The following MYO5B variants were observed in gnomAD, a reference collection of about 807,000 sequenced individuals.
MYO5B encodes unconventional myosin-Vb.
In MYO5B, 143 loss-of-function variants were observed where a neutral mutation model predicts 229.3. That is an observed-to-expected ratio of 0.62 (90% confidence interval 0.54 to 0.72). The LOEUF (loss-of-function observed/expected upper bound fraction) is 0.72, where lower values mean the gene tolerates loss of function less well. Among genes scored for constraint, MYO5B ranks in the 30% least tolerant of loss-of-function variants. The pLI, the probability that MYO5B is intolerant of heterozygous loss-of-function variation, is 0.00. For missense variants in MYO5B, 2,321 were observed against 2,331.0 expected, an observed-to-expected ratio of 1.00 and a Z score of 0.09; for synonymous variants, 918 against 885.2, an observed-to-expected ratio of 1.04 and a Z score of -0.66.
intron 25 of MYO5B, among the ~76,000 whole-genome samples, chr18:49,877,123 A>G (rs201957296): frequency 0.24 from 35,949 of 151,240 alleles, 4,373 homozygotes; most frequent in East Asian, 0.41. Context: ...TTCTGTGTGT[A>G]CGTGCGCGCA....
chr18:50,140,162 G>C (rs1165119924), intron 1 of MYO5B, among the ~76,000 whole-genome samples: 3 of 152,190 alleles, frequency 2.0e-5, no homozygotes, highest in Non-Finnish European at 4.4e-5. Flanking sequence ...AACTGGAAAA[G>C]ATCCAGAAAT....
At chr18:50,161,577 C>G (rs1244838889) in intron 1 of MYO5B, among the ~76,000 whole-genome samples, 1 of 152,160 alleles carries the variant, frequency 6.6e-6, no homozygotes, top group Non-Finnish European at 1.5e-5. Context: ...CTCTCTTCCC[C>G]TGAAATATCA....
intron 17 of MYO5B, among the ~76,000 whole-genome samples, chr18:49,917,753 C>T (rs1389247790): frequency 1.3e-5 from 2 of 152,220 alleles, no homozygotes; most frequent in East Asian, 1.9e-4. Context: ...CCCTGCTCTC[C>T]CTGGATTCTG....
At chr18:50,031,346 T>C (rs1265739103) in intron 4 of MYO5B, among the ~76,000 whole-genome samples, 3 of 152,198 alleles carry the variant, frequency 2.0e-5, no homozygotes, top group Admixed American at 1.3e-4. Flanking sequence ...GAACTCCATC[T>C]GTACCCAGTT....
chr18:49,902,857 T>C (rs747958919), intron 20 of MYO5B, 24 bp from the exon 21 acceptor site: 3 of 1,597,418 alleles, frequency 1.9e-6, no homozygotes. Context: ...AGGATACACA[T>C]CTTGTGGGTT....
intron 1 of MYO5B, among the ~76,000 whole-genome samples, chr18:50,153,159 C>T (rs1229596818): frequency 6.6e-6 from 1 of 152,136 alleles, no homozygotes; most frequent in Non-Finnish European, 1.5e-5. Context: ...TAAATTCCAG[C>T]TTACCCAGTA....
At chr18:49,873,763 T>C (rs2024485013) in intron 26 of MYO5B, among the ~76,000 whole-genome samples, 1 of 152,148 alleles carries the variant, frequency 6.6e-6, no homozygotes, top group South Asian at 2.1e-4. Context: ...GGGAAGCCCA[T>C]AGGAATCACC....
At chr18:50,133,759 C>T (rs2032291188) in intron 1 of MYO5B, among the ~76,000 whole-genome samples, 1 of 152,126 alleles carries the variant, frequency 6.6e-6, no homozygotes, top group African/African-American at 2.4e-5. Flanking sequence ...GGCCCAGGCC[C>T]CTCCCACCTC....
chr18:50,043,365 T>TTAA (rs1491502846), intron 2 of MYO5B, among the ~76,000 whole-genome samples: 233 of 109,738 alleles, frequency 2.1e-3, no homozygotes, highest in Non-Finnish European at 3.6e-3. Context: ...ATAAATATAT[T>TTAA]ATATAATATA....
chr18:49,897,554 G>T (rs1332941963), intron 21 of MYO5B, among the ~76,000 whole-genome samples: 1 of 151,874 alleles, frequency 6.6e-6, no homozygotes, highest in Non-Finnish European at 1.5e-5. Flanking sequence ...ATGAAGAATG[G>T]GATACCCCAA....
intron 4 of MYO5B, among the ~76,000 whole-genome samples, chr18:50,010,732 G>GT (rs1281487263): frequency 6.6e-6 from 1 of 152,198 alleles, no homozygotes; most frequent in East Asian, 1.9e-4. Flanking sequence ...TTAGCTAGGG[G>GT]TGAACTATGA....
At chr18:50,174,087 T>C (rs551273723) in intron 1 of MYO5B, among the ~76,000 whole-genome samples, 2 of 152,166 alleles carry the variant, frequency 1.3e-5, no homozygotes, top group Admixed American at 1.3e-4. Context: ...GCAAATTCTC[T>C]CAAGTTGGGA....
chr18:49,976,206 T>C (rs947237647), intron 9 of MYO5B, among the ~76,000 whole-genome samples: 1 of 152,228 alleles, frequency 6.6e-6, no homozygotes, highest in East Asian at 1.9e-4. Context: ...GGACTCATTT[T>C]CTGATGAGGC....
At position 49,974,512 on chromosome 18, in the gene MYO5B, G is replaced by C; in HGVS notation, c.1160C>G (p.Thr387Ser). 1.2e-6 allele frequency: 2 copies of C among 1,614,168 alleles called. No individual in the cohort carries two copies. The highest frequency in any genetic ancestry group is 1.7e-6 in the Non-Finnish European group (2 of 1,180,032). ...CHRKLVTTSE[T>S]YVKTMSLQQV... ...CTGCAGGGACATGGTCTTGACGTAG[G>C]TCTCCGAGGTGGTGACCAGCTTGCG... is the stretch of plus-strand genomic sequence containing the variant. Residue 387 changes from threonine to serine, a missense_variant, in exon 10 of 40, where the codon ACC becomes AGC. This residue lies in a region of MYO5B where 2,113 missense variants were observed against 2,044.7 expected (regional missense o/e 1.03). Coordinates refer to ENST00000285039, the MANE Select transcript of MYO5B (RefSeq NM_001080467.3).
intron 14 of MYO5B, among the ~76,000 whole-genome samples, chr18:49,941,421 C>A (rs1156748985): frequency 6.6e-6 from 1 of 152,190 alleles, no homozygotes; most frequent in Non-Finnish European, 1.5e-5. Flanking sequence ...CTGAGCAAAG[C>A]ACACCTCAAA....
In MYO5B at chr18:49,864,312, G is replaced by C. The variant is rs749740852; in HGVS notation, c.3672C>G (p.Ala1224=). Residue 1224 remains alanine (A), a synonymous_variant, in exon 28 of 40, where the codon GCC becomes GCG. Coordinates refer to ENST00000285039, the MANE Select transcript of MYO5B (RefSeq NM_001080467.3). ...NDLNELRKAV[A]DQATQNNSSH... is the part of the protein sequence containing the mutation. ...TGGAGTTATTCTGCGTGGCTTGGTCGGCCACGGCTTTCCTCAGCTCATTCA... is the reference window on the plus strand; with the variant it reads ...TGGAGTTATTCTGCGTGGCTTGGTCCGCCACGGCTTTCCTCAGCTCATTCA... The C allele has an allele frequency of 1.5e-5, 25 of 1,614,070 alleles. 1 individual carries two copies. In the South Asian group the frequency reaches 2.4e-4, roughly 16 times the overall value.
intron 1 of MYO5B, among the ~76,000 whole-genome samples, chr18:50,068,384 C>G (rs543508894): frequency 1.3e-5 from 2 of 152,342 alleles, no homozygotes; most frequent in East Asian, 1.9e-4. Context: ...CATCCCAGAT[C>G]TACAGCATTA....
In MYO5B at chr18:49,892,324, C is replaced by G. The variant is rs953968098; in HGVS notation, c.3045+2617G>C. ...CTATGCGACAGAGCTGCTCTGGACT[C>G]TGTGGACAGAGAGATGAATTCCTGC... On this transcript the variant is annotated intron_variant, in intron 22 of 39. Transcript: ENST00000285039. 3.3e-5 allele frequency among the ~76,000 whole-genome samples: 5 copies of G among 152,224 alleles called. No individual in the cohort carries two copies. The East Asian group carries it at 7.7e-4, about 23-fold the overall frequency.
At chr18:49,953,892 ATATGTGTGTGTGTGTGTG>A (rs1296291324) in intron 13 of MYO5B, among the ~76,000 whole-genome samples, 20 of 127,654 alleles carry the variant, frequency 1.6e-4, no homozygotes, top group African/African-American at 4.7e-4. Flanking sequence ...ATATATACAT[ATATGTGTGTGTGTGTGTG>A]TGTGTGTGTG....
Sources: gnomAD v4.1 joint callset for allele counts (sites outside exome capture counted in the v4.1 genomes callset) on GRCh38, gnomAD v4.1.1 for gene constraint, gnomAD v4.1.1 regional missense constraint, MANE v1.5 for transcripts, NCBI Gene and HGNC (gene_info 2026-07-23, HGNC 2026-07-21) for gene names.